Variants in QPCT observed in about 807,000 individuals in gnomAD.
QPCT encodes glutaminyl-peptide cyclotransferase, also known as EC.
A neutral mutation model predicts 43.4 loss-of-function variants in QPCT; 44 were observed. The observed-to-expected ratio is 1.01, with a 90% CI of 0.80 to 1.30. The LOEUF (loss-of-function observed/expected upper bound fraction) is 1.30. Ranked by LOEUF, QPCT falls within the 50% of genes most tolerant of loss-of-function variation. The pLI, the probability that QPCT is intolerant of heterozygous loss-of-function variation, is 0.00. For synonymous variants in QPCT, 168 were observed against 168.4 expected, an observed-to-expected ratio of 1.00 and a Z score of 0.02; for missense variants, 526 against 436.5, an observed-to-expected ratio of 1.21 and a Z score of -1.83.
chr2:37,369,885 C>T, intron 5 of QPCT, 101 bp downstream of exon 5: 1 of 1,078,356 alleles, frequency 9.3e-7, no homozygotes, highest in African/African-American at 1.6e-5. Flanking sequence ...GGCGCAGTGG[C>T]TCACACCTGT....
chr2:37,359,016 A>G (rs1672806939), intron 2 of QPCT: 1 of 153,366 alleles, frequency 6.5e-6, no homozygotes. Flanking sequence ...GCTTAGAGAT[A>G]GAGACCTGTA....
At chr2:37,359,968 T>A (rs1440578446) in intron 3 of QPCT, 110 bp downstream of exon 3, 2 of 1,150,228 alleles carry the variant, frequency 1.7e-6, no homozygotes, top group East Asian at 4.7e-5. Flanking sequence ...ATGGAGACTT[T>A]TGGTACATTT....
rs746001291 is a variant in QPCT at position 37,372,706 on chromosome 2, C to T, written c.965C>T (p.Pro322Leu). ...RRGVPVLHLIPSPFPEVWHTM... is the reference protein window; with the variant it reads ...RRGVPVLHLILSPFPEVWHTM... Reference sequence around the variant, plus strand: ...GGTGTTCCAGTTCTGCATCTGATACCGTCTCCTTTCCCTGAAGTCTGGCAC... The same window carrying T: ...GGTGTTCCAGTTCTGCATCTGATACTGTCTCCTTTCCCTGAAGTCTGGCAC... The change falls in exon 7 of 7, where the codon CCG (proline) becomes CTG (leucine). Residue 322 changes from proline (P) to leucine (L), a missense_variant. Transcript: ENST00000338415. 4 of 1,613,332 alleles carry T rather than the reference C, an allele frequency of 2.5e-6. No individual in the cohort carries two copies. Among genetic ancestry groups the T allele is most frequent in the East Asian group, 2.2e-5 (1 of 44,872 alleles).
chr2:37,359,040 C>T (rs1205414841), intron 2 of QPCT, among the ~76,000 whole-genome samples: 3 of 152,168 alleles, frequency 2.0e-5, no homozygotes, highest in Non-Finnish European at 4.4e-5. Flanking sequence ...TGCTGGTTTA[C>T]TTAATTTTTT....
At chr2:37,372,562 T>C in intron 6 of QPCT, 90 bp downstream of exon 6, 2 of 1,465,820 alleles carry the variant, frequency 1.4e-6, no homozygotes, top group South Asian at 1.2e-5. Context: ...AGTACACAGA[T>C]GATGATGAAT....
At chr2:37,347,231 C>CATATATATATAACATATATATAT (rs764663825) in intron 1 of QPCT, among the ~76,000 whole-genome samples, 1,525 of 54,570 alleles carry the variant, frequency 0.028, 43 homozygotes, top group Non-Finnish European at 0.037. Context: ...ATATATATAA[C>CATATATATATAACATATATATAT]ATATATATAT....
intron 1 of QPCT, among the ~76,000 whole-genome samples, chr2:37,352,537 G>T (rs760230288): frequency 6.6e-6 from 1 of 152,028 alleles, no homozygotes; most frequent in South Asian, 2.1e-4. Context: ...TCATTATGTT[G>T]CCAGGGCTGG....
intron 2 of QPCT, among the ~76,000 whole-genome samples, chr2:37,358,121 A>AAAAAAG (rs1553385444): frequency 6.6e-6 from 1 of 150,660 alleles, no homozygotes; most frequent in African/African-American, 2.5e-5. Context: ...AAAAAAAAAA[A>AAAAAAG]AAAGAAACAG....
intron 1 of QPCT, among the ~76,000 whole-genome samples, chr2:37,347,315 C>T (rs899838066): frequency 1.4e-5 from 2 of 145,686 alleles, no homozygotes; most frequent in Non-Finnish European, 3.0e-5. Context: ...TACATTCATC[C>T]TCAATTTATG....
rs992495414 is a variant in QPCT at position 37,344,990 on chromosome 2, C to T, written c.120+139C>T. ...CCAGCCCAGGCACCGGCGCCCCACCCGGCGCCCGGAGGAGTCGGGGCTCTG... is the reference window on the plus strand; with the variant it reads ...CCAGCCCAGGCACCGGCGCCCCACCTGGCGCCCGGAGGAGTCGGGGCTCTG... On this transcript the variant is annotated intron_variant, in intron 1 of 6. Coordinates refer to ENST00000338415, the MANE Select transcript of QPCT (RefSeq NM_012413.4). The T allele has an allele frequency of 1.9e-5, 25 of 1,301,048 alleles. No homozygotes were observed. In the Admixed American group the frequency reaches 5.9e-4, roughly 31 times the overall value. The allele number at this position is 1,301,048 out of a possible 1,614,324, so 80.6% of individuals were successfully genotyped here. A position where few individuals can be genotyped will look rare whatever the true frequency, so the allele number is the denominator to read the frequency against.
chr2:37,370,714 G>A (rs1673055216), intron 5 of QPCT, among the ~76,000 whole-genome samples: 1 of 152,186 alleles, frequency 6.6e-6, no homozygotes, highest in South Asian at 2.1e-4. Flanking sequence ...ACCAGGTCAG[G>A]TCAGGCCAGC....
chr2:37,347,250 T>C (rs1672525327), intron 1 of QPCT, among the ~76,000 whole-genome samples: 1 of 129,464 alleles, frequency 7.7e-6, no homozygotes, highest in South Asian at 2.3e-4. Flanking sequence ...ATATATAACA[T>C]ATATATATAT....
rs187507962 is a variant in QPCT, at chr2:37,368,655, A to C, written c.724-1030A>C. 6.2e-5 allele frequency: 29 copies of C among 471,152 alleles called. No homozygotes were observed. In the Admixed American group the frequency reaches 6.8e-4, roughly 11 times the overall value. The allele number at this position is 471,152 out of a possible 1,614,324, so 29.2% of individuals were successfully genotyped here. A position where few individuals can be genotyped will look rare whatever the true frequency, so the allele number is the denominator to read the frequency against. ...TGGCAGCTCCTAATGGGCCAGGGGAATGTGGTCAGCATATCATTCATTCAC... is the reference window on the plus strand; with the variant it reads ...TGGCAGCTCCTAATGGGCCAGGGGACTGTGGTCAGCATATCATTCATTCAC... On this transcript the variant is annotated intron_variant, in intron 4 of 6. Coordinates refer to ENST00000338415, the MANE Select transcript of QPCT (RefSeq NM_012413.4).
At chr2:37,366,454 G>C (rs1026623957) in intron 3 of QPCT, among the ~76,000 whole-genome samples, 9 of 152,174 alleles carry the variant, frequency 5.9e-5, no homozygotes, top group African/African-American at 2.2e-4. Context: ...CTAAAGTATA[G>C]GCTATTTCAA....
At position 37,347,144 on chromosome 2, in the gene QPCT, T is replaced by TTTTTTATATATA. The variant is rs1389307350; in HGVS notation, c.120+2294_120+2295insTTTTATATATAT. 6.0e-4 allele frequency among the ~76,000 whole-genome samples: 33 copies of TTTTTTATATATA among 55,332 alleles called. 1 individual carries two copies. Among genetic ancestry groups the TTTTTTATATATA allele is most frequent in the Admixed American group, 2.0e-3 (6 of 3,068 alleles). 36.3% of individuals were successfully genotyped at this position (55,332 alleles called of 152,430 possible). A position where few individuals can be genotyped will look rare whatever the true frequency, so the allele number is the denominator to read the frequency against. ...CATTGGCATCTGGGTATGGGGTGTT[T>TTTTTTATATATA]TATATATATATATATATATAACATA... On this transcript the variant is annotated intron_variant, in intron 1 of 6. Transcript: ENST00000338415.
chr2:37,362,397 T>C (rs1672872102), intron 3 of QPCT, among the ~76,000 whole-genome samples: 1 of 152,228 alleles, frequency 6.6e-6, no homozygotes, highest in African/African-American at 2.4e-5. Flanking sequence ...TATTAAACCC[T>C]GAGTGCATTT....
chr2:37,363,995 A>G (rs556587915), intron 3 of QPCT, among the ~76,000 whole-genome samples: 2 of 152,330 alleles, frequency 1.3e-5, no homozygotes, highest in Non-Finnish European at 1.5e-5. Context: ...TAACAATTCC[A>G]GTTAGGTCAT....
chr2:37,362,430 G>C (rs879034768), intron 3 of QPCT, among the ~76,000 whole-genome samples: 2 of 152,106 alleles, frequency 1.3e-5, no homozygotes, highest in African/African-American at 4.8e-5. Flanking sequence ...CACATCCTCT[G>C]CTTAATGCTC....
intron 3 of QPCT, among the ~76,000 whole-genome samples, chr2:37,360,930 A>C (rs989193118): frequency 3.3e-5 from 5 of 152,366 alleles, no homozygotes; most frequent in Middle Eastern, 3.4e-3. Flanking sequence ...CACAAAATGA[A>C]GTATGACTTG....
Sources: gnomAD v4.1 joint callset for allele counts (sites outside exome capture counted in the v4.1 genomes callset) on GRCh38, gnomAD v4.1.1 for gene constraint, MANE v1.5 for transcripts, NCBI Gene and HGNC (gene_info 2026-07-23, HGNC 2026-07-21) for gene names.